Variants in TGFBRAP1 observed in about 807,000 individuals in gnomAD.
The protein encoded by TGFBRAP1 is transforming growth factor-beta receptor-associated protein 1.
In TGFBRAP1, 20 loss-of-function variants were observed where a neutral mutation model predicts 83.2. That is an observed-to-expected ratio of 0.24 (90% CI 0.17 to 0.35). The LOEUF (loss-of-function observed/expected upper bound fraction) is 0.35, where lower values mean the gene tolerates loss of function less well. Among genes scored for constraint, TGFBRAP1 ranks in the 10% least tolerant of loss-of-function variants. The pLI is 1.00. For synonymous variants in TGFBRAP1, 415 were observed against 459.8 expected (o/e 0.90, Z 1.25); for missense variants, 950 against 1,099.4 (o/e 0.86, Z 1.92).
chr2:105,295,333 TATTA>T (rs1482364773), intron 4 of TGFBRAP1, among the ~76,000 whole-genome samples: 1 of 152,208 alleles, frequency 6.6e-6, no homozygotes, highest in South Asian at 2.1e-4. Context: ...ACTTTTTCAT[TATTA>T]ATTTAGATAT....
At chr2:105,280,831 C>G in intron 5 of TGFBRAP1, 108 bp from the exon 6 acceptor site, 2 of 1,165,974 alleles carry the variant, frequency 1.7e-6, no homozygotes, top group Non-Finnish European at 2.4e-6. Context: ...TCACAGGGGG[C>G]TGGGGAGCTG....
chr2:105,305,195 A>T (rs539027217), intron 2 of TGFBRAP1, among the ~76,000 whole-genome samples: 55 of 152,346 alleles, frequency 3.6e-4, no homozygotes, highest in African/African-American at 1.2e-3. Flanking sequence ...GCTCTAAAAA[A>T]ATAAAGTCTA....
In TGFBRAP1 at chr2:105,266,745, T is replaced by C. The variant is rs1037653667; in HGVS notation, c.*638A>G. 3 of 152,332 alleles carry C rather than the reference T, an allele frequency of 2.0e-5. No homozygotes were observed. The highest frequency in any genetic ancestry group is 7.2e-5 in the African/African-American group (3 of 41,458). The allele number at this position is 152,332 out of a possible 1,614,324, so 9.4% of individuals were successfully genotyped here. A position where few individuals can be genotyped will look rare whatever the true frequency, so the allele number is the denominator to read the frequency against. ...CTTGGGTACACAAGGCAGAATCTTT[T>C]GGGAGCTGAGAGCCGGAGAGGAAGA... On this transcript the variant is annotated 3_prime_UTR_variant, in exon 12 of 12. Coordinates refer to ENST00000393359, the MANE Select transcript of TGFBRAP1 (RefSeq NM_004257.6).
At chr2:105,305,042 C>T (rs567673005) in intron 2 of TGFBRAP1, among the ~76,000 whole-genome samples, 5 of 152,238 alleles carry the variant, frequency 3.3e-5, no homozygotes, top group African/African-American at 7.2e-5. Context: ...ACACATTTGT[C>T]GAGCATGGCC....
chr2:105,257,243 T>C, the TGFBRAP1 span, among the ~76,000 whole-genome samples: 2 of 152,202 alleles, frequency 1.3e-5, no homozygotes, highest in Non-Finnish European at 2.9e-5. Context: ...ACATTAGTAT[T>C]CTTGCCATTT....
At chr2:105,326,774 C>T (rs543104262) in intron 1 of TGFBRAP1, among the ~76,000 whole-genome samples, 11 of 152,194 alleles carry the variant, frequency 7.2e-5, no homozygotes, top group African/African-American at 2.6e-4. Context: ...TCCATAATAT[C>T]CAGTCAGTTG....
At chr2:105,252,188 C>T in the TGFBRAP1 span, among the ~76,000 whole-genome samples, 1 of 152,170 alleles carries the variant, frequency 6.6e-6, no homozygotes, top group Non-Finnish European at 1.5e-5. Flanking sequence ...GTATTTCCTC[C>T]TTTTGGCATT....
chr2:105,267,247 A>G lies in TGFBRAP1; in HGVS notation c.*136T>C. ...CAGCAGCGAGGAGTCCTTGTTGCGT[A>G]TGGACGGAAGGCTCCCTGGCACCCA... is the stretch of plus-strand genomic sequence containing the variant. On this transcript the variant is annotated 3_prime_UTR_variant, in exon 12 of 12. Transcript: ENST00000393359. 1 of 1,172,320 alleles carries G rather than the reference A, an allele frequency of 8.5e-7. No homozygotes were observed. The highest frequency in any genetic ancestry group is 1.2e-6 in the Non-Finnish European group (1 of 849,600). 72.6% of individuals were successfully genotyped at this position (1,172,320 alleles called of 1,614,324 possible).
chr2:105,262,736 A>C (rs1676818605), downstream of TGFBRAP1, among the ~76,000 whole-genome samples: 2 of 152,060 alleles, frequency 1.3e-5, no homozygotes, highest in Non-Finnish European at 2.9e-5. Flanking sequence ...TTGCCACGTG[A>C]TCTCATTTAA....
the TGFBRAP1 span, among the ~76,000 whole-genome samples, chr2:105,251,255 T>C: frequency 1.4e-5 from 2 of 145,252 alleles, no homozygotes; most frequent in Admixed American, 1.4e-4. Context: ...GGAGCGTCTC[T>C]GCCTGGCTGC....
the TGFBRAP1 span, among the ~76,000 whole-genome samples, chr2:105,256,511 T>C: frequency 6.6e-6 from 1 of 152,338 alleles, no homozygotes; most frequent in Admixed American, 6.5e-5. Context: ...GTTTACAAGA[T>C]AAAACAATGT....
intron 2 of TGFBRAP1, among the ~76,000 whole-genome samples, chr2:105,301,051 C>T (rs1422100916): frequency 6.6e-6 from 1 of 151,938 alleles, no homozygotes; most frequent in Non-Finnish European, 1.5e-5. Flanking sequence ...TGGTGAAACC[C>T]GGTTGCTACA....
Position 105,294,881 on chromosome 2 carries a change from A to G in TGFBRAP1, c.1038+1475T>C, listed in dbSNP as rs372045202. On this transcript the variant is annotated intron_variant, in intron 4 of 11. Transcript: ENST00000393359. Reference sequence around the variant, plus strand: ...TGTGTGTGCAAGAAGGGAATACTCCACAGTGGCAGCTGGAAAACCTTGGAA... The same window carrying G: ...TGTGTGTGCAAGAAGGGAATACTCCGCAGTGGCAGCTGGAAAACCTTGGAA... Among the ~76,000 whole-genome samples, 8 of 152,062 alleles carry G rather than the reference A, an allele frequency of 5.3e-5. No homozygotes were observed. The East Asian group carries it at 1.5e-3, about 29-fold the overall frequency.
chr2:105,253,344 G>C, the TGFBRAP1 span, among the ~76,000 whole-genome samples: 2 of 152,058 alleles, frequency 1.3e-5, no homozygotes, highest in Admixed American at 6.6e-5. Flanking sequence ...TGTTGGCCAG[G>C]TTGGGCTTAA....
At chr2:105,288,753 A>G (rs1032094340) in intron 4 of TGFBRAP1, among the ~76,000 whole-genome samples, 2 of 152,244 alleles carry the variant, frequency 1.3e-5, no homozygotes, top group African/African-American at 2.4e-5. Context: ...TATTAGGTGG[A>G]ACATGAGGAC....
At chr2:105,275,825 A>C in intron 7 of TGFBRAP1, 122 bp from the exon 8 acceptor site, 1 of 995,082 alleles carries the variant, frequency 1.0e-6, no homozygotes, top group South Asian at 3.1e-5. Flanking sequence ...ATACCTTTTA[A>C]AGTAGTTGGA....
Position 105,308,166 on chromosome 2 carries a change from C to G in TGFBRAP1, c.136G>C (p.Val46Leu). 6.2e-7 allele frequency: 1 copy of G among 1,614,194 alleles called. No homozygotes were observed. The highest frequency in any genetic ancestry group is 8.5e-7 in the Non-Finnish European group (1 of 1,180,034). The change falls in exon 2 of 12, where the codon GTC (valine) becomes CTC (leucine). Residue 46 changes from valine to leucine, a missense_variant. Val to Leu is a conservative substitution (Grantham distance 32, BLOSUM62 1). Coordinates refer to ENST00000393359, the MANE Select transcript of TGFBRAP1 (RefSeq NM_004257.6). ...DLYVGTNDCF[V>L]YHFLLEERPV... ...CTCTCCTCCAACAGGAAGTGGTAGA[C>G]GAAGCAGTCGTTGGTGCCCACGTAG...
chr2:105,312,834 G>T (rs201388051), intron 1 of TGFBRAP1, among the ~76,000 whole-genome samples: 1 of 151,786 alleles, frequency 6.6e-6, no homozygotes, highest in Non-Finnish European at 1.5e-5. Flanking sequence ...ACTTTTGGCC[G>T]GGCATGGTGG....
intron 2 of TGFBRAP1, among the ~76,000 whole-genome samples, chr2:105,301,039 T>C (rs906690269): frequency 4.7e-5 from 7 of 150,178 alleles, no homozygotes; most frequent in Admixed American, 3.3e-4. Context: ...GCCTGGGCCA[T>C]GTGGTGAAAC....
Sources: gnomAD v4.1 joint callset for allele counts (sites outside exome capture counted in the v4.1 genomes callset) on GRCh38, gnomAD v4.1.1 for gene constraint, MANE v1.5 for transcripts, NCBI Gene and HGNC (gene_info 2026-07-23, HGNC 2026-07-21) for gene names.